PABPC4L: variants seen among roughly 807,000 people sequenced by gnomAD.
PABPC4L encodes the protein polyadenylate-binding protein 4-like.
For synonymous variants in PABPC4L, 169 were observed against 164.1 expected (o/e 1.03, Z -0.23); for missense variants, 452 against 451.4 (o/e 1.00, Z -0.01).
chr4:134,161,239 T>G, the PABPC4L span, among the ~76,000 whole-genome samples: 1 of 148,838 alleles, frequency 6.7e-6, no homozygotes, highest in Non-Finnish European at 1.5e-5. Flanking sequence ...AAATACACAG[T>G]CAGAGAAGAA....
the PABPC4L span, among the ~76,000 whole-genome samples, chr4:134,153,810 GTTTTTTTTTTTTTT>G: frequency 1.3e-5 from 1 of 77,582 alleles, no homozygotes; most frequent in Non-Finnish European, 2.3e-5. Flanking sequence ...CCTATGCCTA[GTTTTTTTTTTTTTT>G]TTTTTTTTTT....
At chr4:133,998,149 CT>C in the PABPC4L span, among the ~76,000 whole-genome samples, 14 of 151,488 alleles carry the variant, frequency 9.2e-5, no homozygotes, top group Admixed American at 2.0e-4. Context: ...TATTTGAAAC[CT>C]TTTCCTATCC....
chr4:134,198,950 G>C lies in PABPC4L; in HGVS notation c.*957C>G, dbSNP rs1405988933. The C allele has an allele frequency of 3.3e-5, 5 of 151,778 alleles. No individual in the cohort carries two copies. Among genetic ancestry groups the C allele is most frequent in the African/African-American group, 4.8e-5 (2 of 41,372 alleles). 9.4% of individuals were successfully genotyped at this position (151,778 alleles called of 1,614,324 possible). A position where few individuals can be genotyped will look rare whatever the true frequency, so the allele number is the denominator to read the frequency against. ...GAGATGTGAGTACATAAAAATAGAG[G>C]AACTTACTTTTCTGAACCCTAAGAG... On this transcript the variant is annotated 3_prime_UTR_variant, in exon 2 of 2. Transcript: ENST00000421491.
chr4:133,979,733 G>T, the PABPC4L span, among the ~76,000 whole-genome samples: 86 of 152,204 alleles, frequency 5.7e-4, no homozygotes, highest in African/African-American at 1.7e-3. Context: ...GGCCTCATGT[G>T]ACTGTCTAAA....
chr4:134,149,143 A>G, the PABPC4L span, among the ~76,000 whole-genome samples: 1 of 152,150 alleles, frequency 6.6e-6, no homozygotes, highest in African/African-American at 2.4e-5. Flanking sequence ...ATAATTAATC[A>G]GTCAATGTGT....
At chr4:134,166,748 C>G in the PABPC4L span, among the ~76,000 whole-genome samples, 2 of 152,206 alleles carry the variant, frequency 1.3e-5, no homozygotes, top group Admixed American at 1.3e-4. Flanking sequence ...CCTATTCATT[C>G]CAGAGGATTC....
chr4:134,013,874 C>T, the PABPC4L span, among the ~76,000 whole-genome samples: 1 of 151,672 alleles, frequency 6.6e-6, no homozygotes, highest in Non-Finnish European at 1.5e-5. Context: ...TCCACTCCTC[C>T]ACCCTATAAT....
At chr4:134,011,969 G>T in the PABPC4L span, among the ~76,000 whole-genome samples, 1 of 151,898 alleles carries the variant, frequency 6.6e-6, no homozygotes, top group Non-Finnish European at 1.5e-5. Flanking sequence ...CCTTATTTGT[G>T]CCCATATGTA....
the PABPC4L span, among the ~76,000 whole-genome samples, chr4:134,008,234 G>T: frequency 6.6e-6 from 1 of 151,652 alleles, no homozygotes; most frequent in Non-Finnish European, 1.5e-5. Context: ...ATGTTTTCGA[G>T]AAAAATTTTG....
the PABPC4L span, among the ~76,000 whole-genome samples, chr4:134,007,028 A>T: frequency 6.6e-6 from 1 of 151,868 alleles, no homozygotes; most frequent in Non-Finnish European, 1.5e-5. Context: ...CAAATGCTCC[A>T]AAATATACAA....
At chr4:134,119,032 T>C in the PABPC4L span, among the ~76,000 whole-genome samples, 1 of 151,806 alleles carries the variant, frequency 6.6e-6, no homozygotes, top group Non-Finnish European at 1.5e-5. Context: ...TTGTTATCAA[T>C]CATGAGTCTT....
the PABPC4L span, among the ~76,000 whole-genome samples, chr4:133,961,601 C>T: frequency 6.6e-6 from 1 of 152,110 alleles, no homozygotes; most frequent in East Asian, 1.9e-4. Flanking sequence ...ATGGCAACGC[C>T]CTTTGGGTCC....
chr4:134,089,958 C>A, the PABPC4L span, among the ~76,000 whole-genome samples: 1 of 151,932 alleles, frequency 6.6e-6, no homozygotes, highest in Non-Finnish European at 1.5e-5. Context: ...AGACTCATGA[C>A]AATATTGAAA....
downstream of PABPC4L, among the ~76,000 whole-genome samples, chr4:134,191,949 A>G (rs186532725): frequency 6.6e-6 from 1 of 152,214 alleles, no homozygotes; most frequent in Admixed American, 6.5e-5. Context: ...AAGTGAATGA[A>G]GCCAAAACTT....
the PABPC4L span, among the ~76,000 whole-genome samples, chr4:134,093,652 A>G: frequency 6.7e-6 from 1 of 149,378 alleles, no homozygotes; most frequent in Admixed American, 6.7e-5. Flanking sequence ...CTAATCATGT[A>G]TGAGACCACC....
At chr4:134,018,281 G>T in the PABPC4L span, among the ~76,000 whole-genome samples, 5 of 151,980 alleles carry the variant, frequency 3.3e-5, no homozygotes, top group Non-Finnish European at 5.9e-5. Flanking sequence ...CTCCCTTGCT[G>T]ACACTCTTTT....
chr4:134,178,667 T>C, the PABPC4L span, among the ~76,000 whole-genome samples: 28 of 150,854 alleles, frequency 1.9e-4, no homozygotes, highest in Non-Finnish European at 8.9e-5. Flanking sequence ...AATACAGGAG[T>C]TGAAAAATCA....
At chr4:134,137,043 C>G in the PABPC4L span, among the ~76,000 whole-genome samples, 2 of 151,930 alleles carry the variant, frequency 1.3e-5, no homozygotes, top group African/African-American at 4.8e-5. Context: ...AATATCTGTA[C>G]TGGAGTTCAT....
chr4:134,154,836 G>A, the PABPC4L span, among the ~76,000 whole-genome samples: 6 of 151,652 alleles, frequency 4.0e-5, no homozygotes, highest in East Asian at 1.9e-4. Flanking sequence ...TTTAAACTTC[G>A]CATTTAATCT....
Sources: allele counts gnomAD v4.1 joint callset (sites outside exome capture counted in the v4.1 genomes callset), GRCh38; gene constraint gnomAD v4.1.1; transcripts MANE v1.5; gene names NCBI Gene and HGNC (gene_info 2026-07-23, HGNC 2026-07-21).